The following RARB variants were observed in gnomAD, a reference collection of about 807,000 sequenced individuals.
RARB encodes the protein retinoic acid receptor beta.
Under a neutral mutation model 51.9 loss-of-function variants are expected in RARB, and 17 were observed. The observed-to-expected ratio is 0.33, with a 90% CI of 0.22 to 0.49. The LOEUF (loss-of-function observed/expected upper bound fraction) is 0.49, where lower values mean the gene tolerates loss of function less well. Among genes scored for constraint, RARB ranks in the 20% least tolerant of loss-of-function variants. The probability of loss-of-function intolerance (pLI) is 0.99; values close to 1 mark genes in which losing one functional copy is unlikely to be tolerated. For synonymous variants in RARB, 215 were observed against 195.4 expected (o/e 1.10, Z -0.84); for missense variants, 369 against 550.8 (o/e 0.67, Z 3.30).
At chr3:25,203,829 G>T (rs1049173444) in intron 5 of RARB, among the ~76,000 whole-genome samples, 3 of 152,110 alleles carry the variant, frequency 2.0e-5, no homozygotes, top group African/African-American at 4.8e-5. Flanking sequence ...TTCCCTTTGC[G>T]GGTAACCTGA....
At chr3:25,300,764 C>T (rs1021989763) in intron 5 of RARB, among the ~76,000 whole-genome samples, 6 of 151,882 alleles carry the variant, frequency 4.0e-5, no homozygotes, top group South Asian at 2.1e-4. Flanking sequence ...CCGAGGCGGG[C>T]GGATTGCCTG....
chr3:25,370,897 C>G (rs900656), intron 5 of RARB, among the ~76,000 whole-genome samples: 64,725 of 151,942 alleles, frequency 0.43, 14,318 homozygotes, highest in East Asian at 0.77. Context: ...TTCCTTTCCT[C>G]TTTGAGCTTT....
rs150548907 is a variant in RARB, at chr3:25,263,915, T to G, written c.178+89340T>G. Among the ~76,000 whole-genome samples the G allele has an allele frequency of 3.1e-3, 470 of 152,268 alleles. 3 individuals are homozygous for G. Among genetic ancestry groups the G allele is most frequent in the Non-Finnish European group, 4.9e-3 (333 of 68,020 alleles). ...GAAGGGGGAGAGCCCTTTAAGGCAT[T>G]TTGTACTGACAAGCGTATTTCTCTT... On this transcript the variant is annotated intron_variant, in intron 5 of 11. Transcript: ENST00000383772.
chr3:25,032,736 G>A (rs971363466), intron 2 of RARB, among the ~76,000 whole-genome samples: 1 of 152,166 alleles, frequency 6.6e-6, no homozygotes, highest in African/African-American at 2.4e-5. Flanking sequence ...AGGGGGCAGG[G>A]AGGGTAATAT....
intron 2 of RARB, among the ~76,000 whole-genome samples, chr3:25,025,364 C>T (rs1314876525): frequency 6.6e-6 from 1 of 152,134 alleles, no homozygotes; most frequent in Non-Finnish European, 1.5e-5. Flanking sequence ...CTTGTCTGCA[C>T]ATATTAAGTA....
At chr3:25,110,728 G>A (rs1253734850) in intron 3 of RARB, among the ~76,000 whole-genome samples, 1 of 152,154 alleles carries the variant, frequency 6.6e-6, no homozygotes, top group Non-Finnish European at 1.5e-5. Context: ...CAGGAAGAAG[G>A]AGTATTTAGT....
At chr3:25,398,242 C>G (rs892657853) in intron 5 of RARB, among the ~76,000 whole-genome samples, 3 of 152,096 alleles carry the variant, frequency 2.0e-5, no homozygotes, top group Non-Finnish European at 2.9e-5. Flanking sequence ...CTCCTGAACT[C>G]TAGGCCACGG....
chr3:24,859,084 T>C (rs891880905), intron 2 of RARB, among the ~76,000 whole-genome samples: 9 of 151,494 alleles, frequency 5.9e-5, no homozygotes, highest in African/African-American at 2.2e-4. Context: ...CTTAATACTC[T>C]TATTAGAAGC....
intron 2 of RARB, among the ~76,000 whole-genome samples, chr3:24,890,246 T>C (rs1575056334): frequency 2.0e-5 from 3 of 152,264 alleles, no homozygotes; most frequent in Non-Finnish European, 4.4e-5. Flanking sequence ...TGACTCACTC[T>C]CCTCTCTTCC....
intron 4 of RARB, among the ~76,000 whole-genome samples, chr3:25,139,706 T>C (rs1338806498): frequency 2.0e-5 from 3 of 152,130 alleles, no homozygotes. Flanking sequence ...CTAAGCAGAT[T>C]TTCTATGTAG....
At chr3:25,090,863 A>T (rs1699185876) in intron 3 of RARB, among the ~76,000 whole-genome samples, 1 of 152,112 alleles carries the variant, frequency 6.6e-6, no homozygotes, top group African/African-American at 2.4e-5. Context: ...TCCATTTTTC[A>T]TGTGGGGGAA....
intron 2 of RARB, among the ~76,000 whole-genome samples, chr3:24,962,148 C>G (rs1269579751): frequency 1.3e-5 from 2 of 151,790 alleles, no homozygotes; most frequent in African/African-American, 4.8e-5. Context: ...CCAGGATAGT[C>G]TCGATCTCCT....
intron 5 of RARB, chr3:25,345,869 AC>A: frequency 1.1e-6 from 1 of 906,182 alleles, no homozygotes; most frequent in Non-Finnish European, 1.3e-6. Flanking sequence ...TCTTAAAACA[AC>A]CACCACTAAA....
chr3:25,067,745 C>G (rs1698690661), intron 3 of RARB, among the ~76,000 whole-genome samples: 1 of 152,182 alleles, frequency 6.6e-6, no homozygotes, highest in South Asian at 2.1e-4. Context: ...CTTCTTTTTG[C>G]TTCCTGCACT....
At chr3:25,504,631 C>A (rs1353172579) in intron 3 of RARB, among the ~76,000 whole-genome samples, 1 of 151,930 alleles carries the variant, frequency 6.6e-6, no homozygotes, top group Middle Eastern at 3.2e-3. Flanking sequence ...TTGTCAGGTC[C>A]CACAGTGCTG....
chr3:25,196,890 A>G (rs1416803518), intron 5 of RARB, among the ~76,000 whole-genome samples: 2 of 152,046 alleles, frequency 1.3e-5, no homozygotes, highest in Non-Finnish European at 2.9e-5. Context: ...GTTGGTTCAT[A>G]TCCTTCGCCC....
At chr3:25,517,597 A>G (rs1374294072) in intron 3 of RARB, among the ~76,000 whole-genome samples, 2 of 152,192 alleles carry the variant, frequency 1.3e-5, no homozygotes, top group Non-Finnish European at 2.9e-5. Flanking sequence ...GTTCCTCAAG[A>G]ACTTAAACAG....
intron 5 of RARB, among the ~76,000 whole-genome samples, chr3:25,422,235 G>A (rs544383195): frequency 4.0e-4 from 61 of 152,256 alleles, no homozygotes; most frequent in African/African-American, 1.4e-3. Flanking sequence ...ATATTAACAC[G>A]AAATAATTGC....
intron 2 of RARB, among the ~76,000 whole-genome samples, chr3:24,970,944 A>C (rs1696384457): frequency 6.6e-6 from 1 of 151,964 alleles, no homozygotes; most frequent in Non-Finnish European, 1.5e-5. Context: ...CATCAGTTAC[A>C]ATTGTTCTTC....
Sources: allele counts gnomAD v4.1 joint callset (sites outside exome capture counted in the v4.1 genomes callset), GRCh38; gene constraint gnomAD v4.1.1; transcripts MANE v1.5; gene names NCBI Gene and HGNC (gene_info 2026-07-23, HGNC 2026-07-21).